DENND1B: variants seen among roughly 807,000 people sequenced by gnomAD.
The protein encoded by DENND1B is DENN domain-containing protein 1B.
In DENND1B, 59 loss-of-function variants were observed where a neutral mutation model predicts 90.1. The observed-to-expected ratio is 0.65, with a 90% confidence interval of 0.53 to 0.81. The LOEUF (loss-of-function observed/expected upper bound fraction) is 0.81. DENND1B is among the 40% of genes least tolerant of loss of function. The probability of loss-of-function intolerance (pLI) is 0.00; values close to 1 mark genes in which losing one functional copy is unlikely to be tolerated. For missense variants in DENND1B, 862 were observed against 912.6 expected (o/e 0.94, Z 0.71); for synonymous variants, 337 against 324.6 (o/e 1.04, Z -0.41).
chr1:197,764,329 T>C (rs1408498465), intron 2 of DENND1B, among the ~76,000 whole-genome samples: 1 of 152,282 alleles, frequency 6.6e-6, no homozygotes, highest in Non-Finnish European at 1.5e-5. Flanking sequence ...TTCTGACATA[T>C]TATAAATACC....
chr1:197,619,419 C>T (rs1455912744), intron 10 of DENND1B, among the ~76,000 whole-genome samples: 1 of 151,042 alleles, frequency 6.6e-6, no homozygotes, highest in Non-Finnish European at 1.5e-5. Context: ...CCCTTTTTAA[C>T]CTGATGGGCT....
intron 4 of DENND1B, among the ~76,000 whole-genome samples, chr1:197,673,715 A>G (rs1336492117): frequency 6.6e-6 from 1 of 152,182 alleles, no homozygotes. Flanking sequence ...TGAGTTTTAC[A>G]GCATGACACA....
chr1:197,566,028 T>C (rs1034560872), intron 15 of DENND1B, among the ~76,000 whole-genome samples: 2 of 152,026 alleles, frequency 1.3e-5, no homozygotes, highest in Non-Finnish European at 2.9e-5. Flanking sequence ...CTGGGTCAAA[T>C]GGTATGTCTA....
At chr1:197,670,795 C>T (rs1236319836) in intron 5 of DENND1B, among the ~76,000 whole-genome samples, 2 of 151,976 alleles carry the variant, frequency 1.3e-5, no homozygotes, top group African/African-American at 4.8e-5. Flanking sequence ...CACCATTGCC[C>T]ACACTGTCAT....
chr1:197,675,916 CT>C (rs1558388920), intron 3 of DENND1B, among the ~76,000 whole-genome samples: 1 of 151,934 alleles, frequency 6.6e-6, no homozygotes, highest in East Asian at 1.9e-4. Context: ...CACCCTCCCC[CT>C]CCCTTCTTCC....
Position 197,762,458 on chromosome 1 carries a change from G to A in DENND1B, c.82+10410C>T, listed in dbSNP as rs79409459. On this transcript the variant is annotated intron_variant, in intron 2 of 22. Coordinates refer to ENST00000620048, the MANE Select transcript of DENND1B (RefSeq NM_001195215.2). ...ATAAAATTGTACTGTGTTTATTTGAGGTGCTCAATATGATGAAATACATAT... is the reference window on the plus strand; with the variant it reads ...ATAAAATTGTACTGTGTTTATTTGAAGTGCTCAATATGATGAAATACATAT... Among the ~76,000 whole-genome samples, 45 of 152,222 alleles carry A rather than the reference G, an allele frequency of 3.0e-4. No homozygotes were observed. In the East Asian group the frequency reaches 7.4e-3, roughly 25 times the overall value.
chr1:197,549,057 TTGAA>T (rs1473078099), intron 16 of DENND1B, among the ~76,000 whole-genome samples: 1 of 152,164 alleles, frequency 6.6e-6, no homozygotes, highest in African/African-American at 2.4e-5. Context: ...AAAAATTAAT[TTGAA>T]TGCTAAAGAA....
chr1:197,765,518 GA>G (rs1224946859), intron 2 of DENND1B, among the ~76,000 whole-genome samples: 2 of 152,168 alleles, frequency 1.3e-5, no homozygotes, highest in South Asian at 4.1e-4. Context: ...TAGAGAAAAA[GA>G]ATATATTATC....
At chr1:197,548,796 G>T (rs2125676226) in intron 16 of DENND1B, among the ~76,000 whole-genome samples, 1 of 152,164 alleles carries the variant, frequency 6.6e-6, no homozygotes, top group East Asian at 1.9e-4. Flanking sequence ...CTAATACCCT[G>T]AAAAAGAAGG....
intron 3 of DENND1B, among the ~76,000 whole-genome samples, chr1:197,707,180 G>C (rs1659626919): frequency 6.6e-6 from 1 of 152,182 alleles, no homozygotes; most frequent in African/African-American, 2.4e-5. Context: ...GATGTCTCAT[G>C]TTCTCACTCA....
intron 3 of DENND1B, among the ~76,000 whole-genome samples, chr1:197,677,731 G>A (rs577775383): frequency 6.6e-6 from 1 of 152,118 alleles, no homozygotes; most frequent in Admixed American, 6.6e-5. Flanking sequence ...TTAAGGACTA[G>A]GAGTAACTAC....
intron 11 of DENND1B, among the ~76,000 whole-genome samples, chr1:197,617,223 A>C (rs538139062): frequency 9.3e-4 from 141 of 151,166 alleles, no homozygotes; most frequent in African/African-American, 3.3e-3. Context: ...TATTGAAAAA[A>C]GAGGGGTAAA....
chr1:197,651,564 C>T (rs1653179199), intron 7 of DENND1B, among the ~76,000 whole-genome samples: 1 of 151,156 alleles, frequency 6.6e-6, no homozygotes, highest in Admixed American at 6.6e-5. Context: ...TTACTAAGTA[C>T]CGTTTTCATT....
intron 3 of DENND1B, among the ~76,000 whole-genome samples, chr1:197,684,463 C>T (rs1272269505): frequency 6.6e-6 from 1 of 152,088 alleles, no homozygotes; most frequent in Non-Finnish European, 1.5e-5. Context: ...GATCCTTATA[C>T]AATGTATATT....
chr1:197,753,184 T>A (rs1653799638), intron 2 of DENND1B, among the ~76,000 whole-genome samples: 1 of 152,030 alleles, frequency 6.6e-6, no homozygotes, highest in Admixed American at 6.6e-5. Flanking sequence ...TTGCTACAGA[T>A]AAAATTAAAG....
intron 10 of DENND1B, among the ~76,000 whole-genome samples, chr1:197,623,745 T>C (rs1330261826): frequency 1.3e-5 from 2 of 151,514 alleles, no homozygotes; most frequent in African/African-American, 2.4e-5. Flanking sequence ...TATTGATACA[T>C]CATTGTCATC....
chr1:197,749,908 C>T (rs1226211562), intron 2 of DENND1B, among the ~76,000 whole-genome samples: 1 of 152,094 alleles, frequency 6.6e-6, no homozygotes, highest in East Asian at 1.9e-4. Context: ...AATACAGTAG[C>T]ACCCTCAGGG....
intron 16 of DENND1B, chr1:197,552,450 A>G: frequency 2.0e-6 from 2 of 985,276 alleles, no homozygotes; most frequent in African/African-American, 1.7e-5. Context: ...CTAGATAATT[A>G]TAACAGTATT....
intron 3 of DENND1B, among the ~76,000 whole-genome samples, chr1:197,690,807 GT>G (rs1253842760): frequency 6.6e-6 from 1 of 151,294 alleles, no homozygotes; most frequent in Non-Finnish European, 1.5e-5. Flanking sequence ...ACATTTTTGG[GT>G]TTTTTTTGTG....
Sources: allele counts gnomAD v4.1 joint callset (sites outside exome capture counted in the v4.1 genomes callset), GRCh38; gene constraint gnomAD v4.1.1; transcripts MANE v1.5; gene names NCBI Gene and HGNC (gene_info 2026-07-23, HGNC 2026-07-21).